Variants in LINGO2 observed in about 807,000 individuals in gnomAD.
LINGO2 encodes leucine-rich repeat and immunoglobulin-like domain-containing nogo receptor-interacting protein 2.
LINGO2 carries 14 observed loss-of-function variants against 30.6 expected under a neutral mutation model. The observed-to-expected ratio is 0.46, with a 90% CI of 0.30 to 0.72. The LOEUF (loss-of-function observed/expected upper bound fraction) is 0.72, where lower values mean the gene tolerates loss of function less well. Among genes scored for constraint, LINGO2 ranks in the 30% least tolerant of loss-of-function variants. LINGO2 has a pLI of 0.07. For missense variants in LINGO2, 729 were observed against 751.7 expected (o/e 0.97, Z 0.35); for synonymous variants, 317 against 288.5 (o/e 1.10, Z -1.00).
At chr9:28,337,300 A>G (rs953044819) in intron 3 of LINGO2, among the ~76,000 whole-genome samples, 1 of 152,100 alleles carries the variant, frequency 6.6e-6, no homozygotes, top group Admixed American at 6.5e-5. Context: ...AAAATAAAAA[A>G]TTGATATTAA....
the LINGO2 span, among the ~76,000 whole-genome samples, chr9:29,057,556 T>C: frequency 2.8e-4 from 42 of 152,244 alleles, no homozygotes; most frequent in African/African-American, 9.9e-4. Flanking sequence ...AAATTGTTCC[T>C]GAGGATTTTA....
chr9:28,341,360 T>A (rs1022227298), intron 3 of LINGO2, among the ~76,000 whole-genome samples: 1 of 152,184 alleles, frequency 6.6e-6, no homozygotes, highest in Admixed American at 6.5e-5. Flanking sequence ...TGTTATATTA[T>A]GTTTTACTAT....
chr9:28,736,189 G>A, the LINGO2 span, among the ~76,000 whole-genome samples: 1 of 152,140 alleles, frequency 6.6e-6, no homozygotes, highest in Admixed American at 6.5e-5. Flanking sequence ...GTGCAAATTT[G>A]TGTTATAGCT....
intron 3 of LINGO2, among the ~76,000 whole-genome samples, chr9:28,297,734 C>T (rs1823976937): frequency 6.6e-6 from 1 of 152,164 alleles, no homozygotes; most frequent in Non-Finnish European, 1.5e-5. Context: ...TATCTTCTTC[C>T]ACAACCTCAT....
chr9:28,244,643 T>G (rs1821931352), intron 4 of LINGO2, among the ~76,000 whole-genome samples: 2 of 152,002 alleles, frequency 1.3e-5, no homozygotes, highest in Admixed American at 1.3e-4. Flanking sequence ...CTCACAGAAA[T>G]ACAAACTACC....
intron 5 of LINGO2, among the ~76,000 whole-genome samples, chr9:28,006,480 A>G (rs1822273367): frequency 6.6e-6 from 1 of 152,202 alleles, no homozygotes; most frequent in African/African-American, 2.4e-5. Flanking sequence ...ATATAACTGT[A>G]TAAAATGCCT....
At chr9:28,241,948 C>A (rs997595462) in intron 4 of LINGO2, among the ~76,000 whole-genome samples, 4 of 151,986 alleles carry the variant, frequency 2.6e-5, no homozygotes, top group Non-Finnish European at 5.9e-5. Flanking sequence ...AAAGTCCACA[C>A]AAAATCTTCA....
At chr9:28,145,206 G>C (rs1007559760) in intron 4 of LINGO2, among the ~76,000 whole-genome samples, 1 of 152,190 alleles carries the variant, frequency 6.6e-6, no homozygotes, top group Non-Finnish European at 1.5e-5. Flanking sequence ...ACATGAGGAA[G>C]CTTTAAGGGT....
chr9:28,407,961 T>C (rs1822581776), intron 2 of LINGO2, among the ~76,000 whole-genome samples: 1 of 152,026 alleles, frequency 6.6e-6, no homozygotes, highest in Non-Finnish European at 1.5e-5. Flanking sequence ...AGTCCTTGAC[T>C]GGGCAAAGTA....
intron 2 of LINGO2, among the ~76,000 whole-genome samples, chr9:28,419,691 T>A (rs1170485654): frequency 2.0e-5 from 3 of 152,046 alleles, no homozygotes; most frequent in African/African-American, 7.2e-5. Flanking sequence ...AAAATCAGCC[T>A]TAAGACCAAT....
the LINGO2 span, among the ~76,000 whole-genome samples, chr9:28,841,674 GA>G: frequency 1.3e-5 from 2 of 151,562 alleles, no homozygotes; most frequent in African/African-American, 2.4e-5. Context: ...GGTGGGTTGG[GA>G]ATTGCAATTT....
At chr9:28,343,865 T>C (rs1342324935) in intron 3 of LINGO2, among the ~76,000 whole-genome samples, 1 of 152,150 alleles carries the variant, frequency 6.6e-6, no homozygotes, top group Non-Finnish European at 1.5e-5. Context: ...GACTGAGAAT[T>C]ACTTGGTAAG....
intron 1 of LINGO2, among the ~76,000 whole-genome samples, chr9:28,651,160 G>A (rs963641055): frequency 6.6e-6 from 1 of 151,110 alleles, no homozygotes; most frequent in African/African-American, 2.4e-5. Context: ...TCCAGCCTGG[G>A]CGACAGAGCA....
the LINGO2 span, among the ~76,000 whole-genome samples, chr9:28,868,275 T>A: frequency 1.3e-5 from 2 of 152,126 alleles, no homozygotes; most frequent in Non-Finnish European, 2.9e-5. Context: ...GGAAGTATTT[T>A]TCAGTCATTG....
At chr9:28,409,661 G>C (rs929659078) in intron 2 of LINGO2, among the ~76,000 whole-genome samples, 19 of 148,062 alleles carry the variant, frequency 1.3e-4, no homozygotes, top group African/African-American at 4.8e-4. Context: ...GTGATGTTTC[G>C]AAGTCATTGT....
At chr9:28,913,765 C>G in the LINGO2 span, among the ~76,000 whole-genome samples, 1 of 152,068 alleles carries the variant, frequency 6.6e-6, no homozygotes, top group Non-Finnish European at 1.5e-5. Context: ...ACTTAAGAAA[C>G]AAGATGTGCA....
At chr9:27,944,280 A>G (rs1223033568), downstream of LINGO2, 2 of 152,206 alleles carry the variant, frequency 1.3e-5, no homozygotes, top group African/African-American at 4.8e-5. Context: ...AAGCCTAGAC[A>G]TATGGCCCCT....
the LINGO2 span, among the ~76,000 whole-genome samples, chr9:28,885,435 A>G: frequency 3.7e-5 from 5 of 134,364 alleles, no homozygotes; most frequent in Middle Eastern, 3.8e-3. Context: ...ACACATATAC[A>G]TATATATACA....
the LINGO2 span, among the ~76,000 whole-genome samples, chr9:28,831,996 G>C: frequency 6.6e-6 from 1 of 152,092 alleles, no homozygotes; most frequent in Admixed American, 6.6e-5. Context: ...AAGGAGAAGG[G>C]AGGTCTTTTA....
Sources: allele counts gnomAD v4.1 joint callset (sites outside exome capture counted in the v4.1 genomes callset), GRCh38; gene constraint gnomAD v4.1.1; transcripts MANE v1.5; gene names NCBI Gene and HGNC (gene_info 2026-07-23, HGNC 2026-07-21).